AKAP19: variants seen among roughly 807,000 people sequenced by gnomAD.
AKAP19 encodes the protein small A-kinase anchoring protein.
At chr2:190,122,692 G>A in the AKAP19 span, among the ~76,000 whole-genome samples, 123 of 152,110 alleles carry the variant, frequency 8.1e-4, no homozygotes, top group African/African-American at 2.9e-3. Flanking sequence ...CCTTACAAAT[G>A]CTTATTAGAA....
chr2:190,060,340 A>G, the AKAP19 span: 1 of 1,612,900 alleles, frequency 6.2e-7, no homozygotes, highest in Non-Finnish European at 8.5e-7. Context: ...AAATATATCC[A>G]TAGTTGGGCC....
At chr2:190,011,118 T>A in the AKAP19 span, among the ~76,000 whole-genome samples, 1 of 144,298 alleles carries the variant, frequency 6.9e-6, no homozygotes, top group Non-Finnish European at 1.5e-5. Flanking sequence ...AGTGCAGTGG[T>A]GTGATGTCAA....
the AKAP19 span, among the ~76,000 whole-genome samples, chr2:190,062,027 A>G: frequency 6.6e-6 from 1 of 152,194 alleles, no homozygotes; most frequent in African/African-American, 2.4e-5. Context: ...TTGTCTCTAT[A>G]AGAAAACAAA....
the AKAP19 span, among the ~76,000 whole-genome samples, chr2:190,028,638 A>G: frequency 1.4e-4 from 22 of 152,318 alleles, no homozygotes; most frequent in East Asian, 4.2e-3. Flanking sequence ...TATTTAACAT[A>G]TAAGTATACT....
At chr2:189,909,285 T>C in the AKAP19 span, among the ~76,000 whole-genome samples, 3 of 132,338 alleles carry the variant, frequency 2.3e-5, no homozygotes, top group African/African-American at 8.4e-5. Flanking sequence ...CAGCTTATGG[T>C]TGGGTCTTGT....
the AKAP19 span, chr2:190,062,363 T>C: frequency 3.5e-5 from 57 of 1,613,446 alleles, no homozygotes; most frequent in African/African-American, 7.5e-4. Context: ...GTAAAAGTTG[T>C]CTTATAACAT....
At chr2:189,961,637 G>GCATGGT in the AKAP19 span, among the ~76,000 whole-genome samples, 14 of 152,054 alleles carry the variant, frequency 9.2e-5, no homozygotes, top group Non-Finnish European at 1.8e-4. Flanking sequence ...ACTCGGCTGG[G>GCATGGT]CATGGTGGCT....
At chr2:190,018,382 A>G in the AKAP19 span, among the ~76,000 whole-genome samples, 2 of 151,508 alleles carry the variant, frequency 1.3e-5, no homozygotes, top group Non-Finnish European at 1.5e-5. Context: ...ACAGTGTTCT[A>G]TCTTTGAGTT....
the AKAP19 span, among the ~76,000 whole-genome samples, chr2:190,171,378 GT>G: frequency 6.6e-6 from 1 of 152,058 alleles, no homozygotes; most frequent in Non-Finnish European, 1.5e-5. Context: ...AATGATCATG[GT>G]TTTCTTAGAG....
the AKAP19 span, among the ~76,000 whole-genome samples, chr2:189,990,582 T>G: frequency 6.6e-6 from 1 of 152,208 alleles, no homozygotes; most frequent in Non-Finnish European, 1.5e-5. Context: ...ATTTTCCTTG[T>G]GATGTCTTTA....
At chr2:190,044,300 T>G in the AKAP19 span, among the ~76,000 whole-genome samples, 3,942 of 152,180 alleles carry the variant, frequency 0.026, 176 homozygotes, top group East Asian at 0.18. Context: ...CCCAGAGAGA[T>G]ACAGGTCAGC....
the AKAP19 span, among the ~76,000 whole-genome samples, chr2:190,196,131 T>C: frequency 5.3e-5 from 8 of 152,080 alleles, no homozygotes; most frequent in Non-Finnish European, 7.4e-5. Context: ...GGTTTTCTAA[T>C]TGTCCCTCCC....
chr2:189,883,983 A>G, the AKAP19 span, among the ~76,000 whole-genome samples: 1 of 152,210 alleles, frequency 6.6e-6, no homozygotes, highest in African/African-American at 2.4e-5. Context: ...AAATATTCAG[A>G]TAGAATTTTC....
At chr2:190,038,231 G>T in the AKAP19 span, among the ~76,000 whole-genome samples, 1 of 152,144 alleles carries the variant, frequency 6.6e-6, no homozygotes, top group Middle Eastern at 3.2e-3. Flanking sequence ...TGATGACCAT[G>T]CTATTGCCCC....
the AKAP19 span, among the ~76,000 whole-genome samples, chr2:189,913,381 T>C: frequency 1.3e-5 from 2 of 152,138 alleles, no homozygotes; most frequent in African/African-American, 2.4e-5. Context: ...ACTTCTGTAA[T>C]TTATAGATTA....
the AKAP19 span, among the ~76,000 whole-genome samples, chr2:189,998,626 TTCTTC>T: frequency 6.6e-6 from 1 of 152,084 alleles, no homozygotes; most frequent in Non-Finnish European, 1.5e-5. Flanking sequence ...GGTGATTTGT[TTCTTC>T]TCTTTATTTT....
At chr2:190,139,855 C>A in the AKAP19 span, among the ~76,000 whole-genome samples, 1 of 152,106 alleles carries the variant, frequency 6.6e-6, no homozygotes, top group Non-Finnish European at 1.5e-5. Context: ...CCAACAGTGC[C>A]CCAATATCTT....
At chr2:190,070,960 G>A in the AKAP19 span, among the ~76,000 whole-genome samples, 1 of 152,104 alleles carries the variant, frequency 6.6e-6, no homozygotes, top group East Asian at 1.9e-4. Flanking sequence ...GTCATGCACT[G>A]CGTAACAATC....
the AKAP19 span, among the ~76,000 whole-genome samples, chr2:190,068,002 G>A: frequency 6.6e-6 from 1 of 152,066 alleles, no homozygotes; most frequent in Non-Finnish European, 1.5e-5. Context: ...AGAAGTTCGA[G>A]ACCAGCTTGG....
Sources: gnomAD v4.1 joint callset for allele counts (sites outside exome capture counted in the v4.1 genomes callset) on GRCh38, gnomAD v4.1.1 for gene constraint, MANE v1.5 for transcripts, NCBI Gene and HGNC (gene_info 2026-07-23, HGNC 2026-07-21) for gene names.